Variants in SND1 observed in about 807,000 individuals in gnomAD.
SND1 encodes the protein staphylococcal nuclease and tudor domain containing 1.
Under a neutral mutation model 121.7 loss-of-function variants are expected in SND1, and 38 were observed. The observed-to-expected ratio is 0.31, with a 90% CI of 0.24 to 0.41. SND1 has a LOEUF of 0.41. Ranked by LOEUF, SND1 falls within the 10% of genes least tolerant of loss-of-function variation. The pLI is 1.00. For missense variants in SND1, 868 were observed against 1,184.6 expected, an observed-to-expected ratio of 0.73 and a Z score of 3.92; for synonymous variants, 401 against 447.4, an observed-to-expected ratio of 0.90 and a Z score of 1.31.
At chr7:127,704,232 A>G (rs2116345395) in intron 7 of SND1, among the ~76,000 whole-genome samples, 1 of 152,344 alleles carries the variant, frequency 6.6e-6, no homozygotes, top group Non-Finnish European at 1.5e-5. Flanking sequence ...GAGCTAAGCT[A>G]CTTACTCTTT....
intron 17 of SND1, 150 bp from the exon 18 acceptor site, chr7:128,081,210 C>CTGGTCT: frequency 1.2e-6 from 1 of 840,432 alleles, no homozygotes; most frequent in Non-Finnish European, 1.8e-6. Flanking sequence ...ATTGGCCAGT[C>CTGGTCT]TGGTCTTGAA....
At chr7:128,063,104 A>G (rs1793257716) in intron 16 of SND1, among the ~76,000 whole-genome samples, 1 of 152,094 alleles carries the variant, frequency 6.6e-6, no homozygotes, top group African/African-American at 2.4e-5. Flanking sequence ...ACCTCTGCTC[A>G]ACGTCGTTAG....
intron 10 of SND1, among the ~76,000 whole-genome samples, chr7:127,728,231 A>AT (rs1796615697): frequency 6.7e-6 from 1 of 149,582 alleles, no homozygotes; most frequent in African/African-American, 2.5e-5. Flanking sequence ...CCTTCACATA[A>AT]TTTTTTGGGA....
chr7:128,039,694 C>T (rs1226830163), intron 16 of SND1, among the ~76,000 whole-genome samples: 1 of 152,128 alleles, frequency 6.6e-6, no homozygotes, highest in Non-Finnish European at 1.5e-5. Context: ...TATCTGTGCT[C>T]ATGTACACAT....
chr7:127,790,805 T>C (rs1406065195), intron 10 of SND1, among the ~76,000 whole-genome samples: 1 of 152,204 alleles, frequency 6.6e-6, no homozygotes, highest in Non-Finnish European at 1.5e-5. Context: ...CATTTGAGCA[T>C]GTCTTGAAGA....
chr7:128,040,609 C>T (rs1792838484), intron 16 of SND1, among the ~76,000 whole-genome samples: 1 of 152,008 alleles, frequency 6.6e-6, no homozygotes, highest in Non-Finnish European at 1.5e-5. Context: ...TGGGAACATA[C>T]TTTTTATACT....
chr7:127,774,421 G>A (rs1466492255), intron 10 of SND1, among the ~76,000 whole-genome samples: 3 of 152,154 alleles, frequency 2.0e-5, no homozygotes, highest in Non-Finnish European at 2.9e-5. Context: ...AGTGTACAGT[G>A]TTTATAAAGT....
At chr7:127,816,825 G>A (rs1275250180) in intron 11 of SND1, among the ~76,000 whole-genome samples, 1 of 152,048 alleles carries the variant, frequency 6.6e-6, no homozygotes, top group Non-Finnish European at 1.5e-5. Context: ...ACCAAGCCCA[G>A]CTAATTGTTG....
rs554245397 is a variant in SND1 at position 128,082,866 on chromosome 7, C to T, written c.2110+1365C>T. Among the ~76,000 whole-genome samples, 605 of 152,280 alleles carry T rather than the reference C, an allele frequency of 4.0e-3. 3 individuals are homozygous for T. The highest frequency in any genetic ancestry group is 0.011 in the African/African-American group (457 of 41,550). On this transcript the variant is annotated intron_variant, in intron 18 of 23. Transcript: ENST00000354725. ...TCTGGGTCCTGCTGGGGAGGACCCGCCTTGACTCAGAACAAGCCCCTGAAG... is the reference window on the plus strand; with the variant it reads ...TCTGGGTCCTGCTGGGGAGGACCCGTCTTGACTCAGAACAAGCCCCTGAAG...
chr7:127,983,612 C>T (rs1802317723), intron 15 of SND1, among the ~76,000 whole-genome samples: 1 of 152,078 alleles, frequency 6.6e-6, no homozygotes, highest in African/African-American at 2.4e-5. Flanking sequence ...TCAAAACTGC[C>T]ATTTTGTCTC....
chr7:128,082,037 C>T (rs999044549), intron 18 of SND1: 9 of 516,890 alleles, frequency 1.7e-5, no homozygotes, highest in South Asian at 5.7e-5. Context: ...AAGACATCCC[C>T]GGGCAGTCTC....
At chr7:127,730,873 C>T (rs1796662357) in intron 10 of SND1, among the ~76,000 whole-genome samples, 1 of 152,226 alleles carries the variant, frequency 6.6e-6, no homozygotes, top group South Asian at 2.1e-4. Flanking sequence ...TCTGATTCTA[C>T]CACTCTGCCT....
At chr7:127,939,120 G>A (rs1020676940) in intron 15 of SND1, among the ~76,000 whole-genome samples, 9 of 152,186 alleles carry the variant, frequency 5.9e-5, no homozygotes, top group African/African-American at 2.2e-4. Flanking sequence ...CTGTCAAAAA[G>A]GCTGTTTCAA....
At chr7:128,000,625 T>C (rs1802803510) in intron 16 of SND1, among the ~76,000 whole-genome samples, 2 of 152,186 alleles carry the variant, frequency 1.3e-5, no homozygotes, top group Non-Finnish European at 2.9e-5. Flanking sequence ...TGCCTCAGCC[T>C]CCCACAGTGC....
intron 9 of SND1, among the ~76,000 whole-genome samples, chr7:127,710,812 A>G (rs1290669550): frequency 6.6e-6 from 1 of 152,110 alleles, no homozygotes; most frequent in Non-Finnish European, 1.5e-5. Flanking sequence ...ACATAAGCAC[A>G]CATACTCAAG....
chr7:127,995,065 A>G (rs937362496), intron 16 of SND1, among the ~76,000 whole-genome samples: 11 of 152,188 alleles, frequency 7.2e-5, no homozygotes, highest in Non-Finnish European at 4.4e-5. Context: ...AACTGCTTTC[A>G]TACTATAACA....
chr7:128,037,009 C>T (rs1419212199), intron 16 of SND1, among the ~76,000 whole-genome samples: 1 of 152,164 alleles, frequency 6.6e-6, no homozygotes, highest in Non-Finnish European at 1.5e-5. Flanking sequence ...AGATGGGTAC[C>T]ATCAGATTTC....
chr7:128,051,584 CT>C (rs1207079697), intron 16 of SND1, among the ~76,000 whole-genome samples: 3 of 152,202 alleles, frequency 2.0e-5, no homozygotes, highest in Non-Finnish European at 4.4e-5. Flanking sequence ...TAAACAGCAT[CT>C]GAGATACTGT....
intron 10 of SND1, among the ~76,000 whole-genome samples, chr7:127,785,480 A>T (rs1031001142): frequency 1.3e-5 from 2 of 152,234 alleles, no homozygotes; most frequent in African/African-American, 2.4e-5. Context: ...ATTCTTTAAG[A>T]AATACCATCC....
Sources: gnomAD v4.1 joint callset for allele counts (sites outside exome capture counted in the v4.1 genomes callset) on GRCh38, gnomAD v4.1.1 for gene constraint, MANE v1.5 for transcripts, NCBI Gene and HGNC (gene_info 2026-07-23, HGNC 2026-07-21) for gene names.